Variants in ZNF30 observed in about 807,000 individuals in gnomAD.
ZNF30 encodes zinc finger protein 30 (KOX 28).
Under a neutral mutation model 13.2 loss-of-function variants are expected in ZNF30, and 15 were observed. That is an observed-to-expected ratio of 1.13 (90% CI 0.76 to 1.75). The LOEUF (loss-of-function observed/expected upper bound fraction) is 1.75. ZNF30 is among the 40% of genes most tolerant of loss of function. The pLI, the probability that ZNF30 is intolerant of heterozygous loss-of-function variation, is 0.00. For synonymous variants in ZNF30, 223 were observed against 256.6 expected (o/e 0.87, Z 1.25); for missense variants, 726 against 757.0 (o/e 0.96, Z 0.48).
rs148691828 is a variant in ZNF30 at position 34,934,554 on chromosome 19, C to T, written c.256+831C>T. Among the ~76,000 whole-genome samples, 304 of 152,260 alleles carry T rather than the reference C, an allele frequency of 2.0e-3. 2 individuals carry two copies. Among genetic ancestry groups the T allele is most frequent in the Non-Finnish European group, 3.5e-3 (236 of 68,022 alleles). ...TACTGAGATTACAGGTATGAGCCAT[C>T]GTGCCTGGCCAGGAATTTGGATTAT... On this transcript the variant is annotated intron_variant, in intron 4 of 4. Transcript: ENST00000601142.
In ZNF30 at chr19:34,929,871, C is replaced by T. The variant is rs539859669; in HGVS notation, c.-64-13C>T. The stretch of plus-strand genomic sequence containing the variant: ...ACACTAAAGCCTCCTTTTCTCCTCT[C>T]TGGATTTTCTAGCTTTTGAACTTCT... On this transcript the variant is annotated splice_polypyrimidine_tract_variant and intron_variant, in intron 1 of 4. Coordinates refer to ENST00000601142, the MANE Select transcript of ZNF30 (RefSeq NM_194325.3). 2.2e-6 allele frequency: 3 copies of T among 1,391,188 alleles called. No homozygotes were observed. In the African/African-American group the frequency reaches 4.5e-5, roughly 21 times the overall value. The allele number at this position is 1,391,188 out of a possible 1,614,324, so 86.2% of individuals were successfully genotyped here.
intron 1 of ZNF30, among the ~76,000 whole-genome samples, chr19:34,928,472 G>A (rs2012247004): frequency 6.6e-6 from 1 of 151,880 alleles, no homozygotes; most frequent in South Asian, 2.1e-4. Context: ...GAGGGGCCAT[G>A]TTCACATAAC....
chr19:34,937,543 G>A (rs2012805850), intron 4 of ZNF30, among the ~76,000 whole-genome samples: 1 of 151,936 alleles, frequency 6.6e-6, no homozygotes, highest in Non-Finnish European at 1.5e-5. Context: ...ACCAGCCTGG[G>A]CAACATAGCA....
intron 4 of ZNF30, among the ~76,000 whole-genome samples, chr19:34,934,117 A>T (rs2012603444): frequency 6.6e-6 from 1 of 151,990 alleles, no homozygotes; most frequent in Non-Finnish European, 1.5e-5. Flanking sequence ...TATGTAAGAC[A>T]TGCCAAGCAG....
Position 34,927,075 on chromosome 19 carries a change from C to A in ZNF30, c.-206C>A, listed in dbSNP as rs772462839. 7.5e-6 allele frequency: 3 copies of A among 398,378 alleles called. No individual in the cohort carries two copies. The highest frequency in any genetic ancestry group is 8.8e-5 in the Admixed American group (2 of 22,718). 24.7% of individuals were successfully genotyped at this position (398,378 alleles called of 1,614,324 possible). ...TTGTGGTCGTTGACCCGGCAGCGAG[C>A]TTTGGAGTTCATCGAGGGAGAAGTC... is the stretch of plus-strand genomic sequence containing the variant. On this transcript the variant is annotated 5_prime_UTR_variant, in exon 1 of 5. Transcript: ENST00000601142.
intron 4 of ZNF30, among the ~76,000 whole-genome samples, chr19:34,936,914 G>A (rs1279712887): frequency 6.6e-6 from 1 of 151,948 alleles, no homozygotes; most frequent in Non-Finnish European, 1.5e-5. Flanking sequence ...AAATAAAATT[G>A]GGATTCATTG....
At chr19:34,924,509 A>C (rs116148836), upstream of ZNF30, among the ~76,000 whole-genome samples, 8 of 152,212 alleles carry the variant, frequency 5.3e-5, no homozygotes, top group African/African-American at 1.9e-4. Context: ...CATTGTACAT[A>C]ATTTGGCCCT....
intron 4 of ZNF30, among the ~76,000 whole-genome samples, chr19:34,939,338 C>T (rs1455015840): frequency 6.6e-6 from 1 of 152,028 alleles, no homozygotes; most frequent in African/African-American, 2.4e-5. Flanking sequence ...TGCACCACCA[C>T]ACTGGATAAT....
rs1245501586 is a variant in ZNF30 at position 34,943,405 on chromosome 19, C to T, written c.439C>T (p.Pro147Ser). 2.5e-6 allele frequency: 4 copies of T among 1,613,914 alleles called. No individual in the cohort carries two copies. The highest frequency in any genetic ancestry group is 2.2e-5 in the South Asian group (2 of 91,064). The change falls in exon 5 of 5, where the codon CCC becomes TCC. Residue 147 changes from proline to serine, a missense_variant. By Grantham distance (74) the Pro-to-Ser change is moderately conservative. Transcript: ENST00000601142. Reference sequence around the variant, plus strand: ...TGAAAGAATACATAGTAGTGAAAAACCCAACAGATGTAAAGAATGTGGGAA... The same window carrying T: ...TGAAAGAATACATAGTAGTGAAAAATCCAACAGATGTAAAGAATGTGGGAA... ...QHERIHSSEKPNRCKECGKNF... is the reference protein window; with the variant it reads ...QHERIHSSEKSNRCKECGKNF...
At chr19:34,924,862 A>G (rs1328034531), upstream of ZNF30, among the ~76,000 whole-genome samples, 2 of 152,250 alleles carry the variant, frequency 1.3e-5, no homozygotes, top group Non-Finnish European at 2.9e-5. Context: ...TCTACCAAAA[A>G]AGCCTGGAGT....
intron 4 of ZNF30, among the ~76,000 whole-genome samples, chr19:34,942,006 T>A (rs527946004): frequency 6.6e-6 from 1 of 152,244 alleles, no homozygotes; most frequent in South Asian, 2.1e-4. Flanking sequence ...CAATAATCTG[T>A]GTGATCTTAG....
In ZNF30 at chr19:34,945,057, G is replaced by T; in HGVS notation, c.*219G>T. 1 of 480,486 alleles carries T rather than the reference G, an allele frequency of 2.1e-6. No homozygotes were observed. The highest frequency in any genetic ancestry group is 3.5e-6 in the Non-Finnish European group (1 of 281,800). 29.8% of individuals were successfully genotyped at this position (480,486 alleles called of 1,614,324 possible). A position where few individuals can be genotyped will look rare whatever the true frequency, so the allele number is the denominator to read the frequency against. On this transcript the variant is annotated 3_prime_UTR_variant, in exon 5 of 5. Transcript: ENST00000601142. ...ACTGGTGGACCATTCAGAAAAAGTG[G>T]GAAACGTTATTACTTAATGGTTACA...
In ZNF30 at chr19:34,927,193, C is replaced by T. The variant is rs561941979; in HGVS notation, c.-88C>T. The T allele has an allele frequency of 2.0e-4, 78 of 383,846 alleles. No individual in the cohort carries two copies. The highest frequency in any genetic ancestry group is 1.4e-3 in the African/African-American group (66 of 48,260). The allele number at this position is 383,846 out of a possible 1,614,324, so 23.8% of individuals were successfully genotyped here. On this transcript the variant is annotated 5_prime_UTR_variant, in exon 1 of 5. Coordinates refer to ENST00000601142, the MANE Select transcript of ZNF30 (RefSeq NM_194325.3). Reference sequence around the variant, plus strand: ...CGGGAGCTCTGCAGACCTGTGTCGGCGCGGAACCCGGACTGAGACATGCGT... The same window carrying T: ...CGGGAGCTCTGCAGACCTGTGTCGGTGCGGAACCCGGACTGAGACATGCGT...
intron 2 of ZNF30, 32 bp downstream of exon 2, chr19:34,929,988 AT>A: frequency 6.3e-7 from 1 of 1,593,358 alleles, no homozygotes; most frequent in Non-Finnish European, 8.6e-7. Context: ...AAATATGGGG[AT>A]TTTTATATTA....
intron 3 of ZNF30, among the ~76,000 whole-genome samples, chr19:34,932,813 C>T (rs954748000): frequency 1.7e-4 from 26 of 148,658 alleles, no homozygotes; most frequent in South Asian, 4.3e-4. Flanking sequence ...CATAGTCTCA[C>T]TCTGTTGCCC....
intron 4 of ZNF30, among the ~76,000 whole-genome samples, chr19:34,937,879 T>C (rs8110719): frequency 0.012 from 1,757 of 152,182 alleles, 40 homozygotes; most frequent in African/African-American, 0.04. Flanking sequence ...GCTCACTGCA[T>C]CCTCTGCCTC....
rs563690937 is a variant in ZNF30, at chr19:34,936,493, T to C, written c.256+2770T>C. ...CAGGGCAGATCTAAAGGTGTCTGCTTTCCATATGTTAAGTTGGAGATGACT... is the reference window on the plus strand; with the variant it reads ...CAGGGCAGATCTAAAGGTGTCTGCTCTCCATATGTTAAGTTGGAGATGACT... On this transcript the variant is annotated intron_variant, in intron 4 of 4. Transcript: ENST00000601142. 2.6e-5 allele frequency among the ~76,000 whole-genome samples: 4 copies of C among 152,266 alleles called. No individual in the cohort carries two copies. In the East Asian group the frequency reaches 7.7e-4, roughly 29 times the overall value.
intron 4 of ZNF30, among the ~76,000 whole-genome samples, chr19:34,938,906 A>G (rs1439046632): frequency 6.6e-6 from 1 of 152,224 alleles, no homozygotes; most frequent in African/African-American, 2.4e-5. Flanking sequence ...GACACACACC[A>G]GGTGAGTTGG....
chr19:34,931,704 A>G, intron 2 of ZNF30, 139 bp from the exon 3 acceptor site: 1 of 752,766 alleles, frequency 1.3e-6, no homozygotes, highest in South Asian at 2.0e-5. Flanking sequence ...CTTCCAGAAC[A>G]TGCAGATACC....
Sources: allele counts gnomAD v4.1 joint callset (sites outside exome capture counted in the v4.1 genomes callset), GRCh38; gene constraint gnomAD v4.1.1; transcripts MANE v1.5; gene names NCBI Gene and HGNC (gene_info 2026-07-23, HGNC 2026-07-21).